The following KCNMB2 variants were observed in gnomAD, a reference collection of about 807,000 sequenced individuals.
The protein encoded by KCNMB2 is calcium-activated potassium channel subunit beta-2.
A neutral mutation model predicts 24.5 loss-of-function variants in KCNMB2; 9 were observed. The observed-to-expected ratio is 0.37, with a 90% CI of 0.22 to 0.64. KCNMB2 has a LOEUF of 0.64. Ranked by LOEUF, KCNMB2 falls within the 30% of genes least tolerant of loss-of-function variation. KCNMB2 has a pLI of 0.63. For missense variants in KCNMB2, 226 were observed against 284.3 expected, an observed-to-expected ratio of 0.79 and a Z score of 1.47; for synonymous variants, 109 against 104.4, an observed-to-expected ratio of 1.04 and a Z score of -0.27.
In KCNMB2 at chr3:178,737,163, G is replaced by A. The variant is rs372775277; in HGVS notation, c.-67-70180G>A. 4.3e-4 allele frequency among the ~76,000 whole-genome samples: 65 copies of A among 152,186 alleles called. 1 individual carries two copies. The South Asian group carries it at 0.011, about 26-fold the overall frequency. On this transcript the variant is annotated intron_variant, in intron 1 of 4. Coordinates refer to ENST00000452583, the MANE Select transcript of KCNMB2 (RefSeq NM_181361.3). ...TGCCCACCTGTAATCCCAACTGCTC[G>A]GGAGGCTGAAGCAAGAGAATCACTG...
intron 1 of KCNMB2, among the ~76,000 whole-genome samples, chr3:178,678,238 T>C (rs1721138031): frequency 6.6e-6 from 1 of 151,992 alleles, no homozygotes; most frequent in African/African-American, 2.4e-5. Context: ...AAAACAAAAA[T>C]GGAAACTGTG....
chr3:178,557,071 A>C (rs994875113), intron 1 of KCNMB2, among the ~76,000 whole-genome samples: 12 of 152,214 alleles, frequency 7.9e-5, no homozygotes, highest in Admixed American at 4.6e-4. Flanking sequence ...AAGAATAAAC[A>C]AGGATTAATT....
At chr3:178,594,842 C>T (rs761555723) in intron 1 of KCNMB2, among the ~76,000 whole-genome samples, 4 of 152,090 alleles carry the variant, frequency 2.6e-5, no homozygotes, top group South Asian at 2.1e-4. Context: ...CCAACTTACA[C>T]AACAATACTA....
At chr3:178,720,182 C>T (rs1017186280) in intron 1 of KCNMB2, among the ~76,000 whole-genome samples, 2 of 152,042 alleles carry the variant, frequency 1.3e-5, no homozygotes, top group African/African-American at 4.8e-5. Context: ...TTCCTGTGTC[C>T]ATGTGTTCTC....
chr3:178,753,173 G>A (rs1040615947), intron 1 of KCNMB2, among the ~76,000 whole-genome samples: 2 of 152,188 alleles, frequency 1.3e-5, no homozygotes, highest in Non-Finnish European at 2.9e-5. Flanking sequence ...GTCATGTAGT[G>A]ATAGTTATGT....
At chr3:178,783,286 G>C (rs1430126216) in intron 1 of KCNMB2, among the ~76,000 whole-genome samples, 8 of 149,352 alleles carry the variant, frequency 5.4e-5, no homozygotes, top group Non-Finnish European at 8.9e-5. Flanking sequence ...CTCTTTTTTG[G>C]TTCCATATGA....
chr3:178,792,638 TA>T (rs903540653), intron 1 of KCNMB2, among the ~76,000 whole-genome samples: 8 of 150,914 alleles, frequency 5.3e-5, no homozygotes, highest in East Asian at 1.9e-4. Context: ...TGAATGGATT[TA>T]AAAAAAAAGA....
intron 1 of KCNMB2, among the ~76,000 whole-genome samples, chr3:178,614,273 A>ATATATATATG (rs1718610722): frequency 1.1e-5 from 1 of 94,062 alleles, no homozygotes; most frequent in Non-Finnish European, 2.0e-5. Flanking sequence ...ATATATATAT[A>ATATATATATG]TATATATATA....
At chr3:178,595,051 A>G (rs949038841) in intron 1 of KCNMB2, among the ~76,000 whole-genome samples, 3 of 122,376 alleles carry the variant, frequency 2.5e-5, no homozygotes, top group African/African-American at 1.1e-4. Flanking sequence ...TGGCATATAC[A>G]GTATTTGCAA....
At chr3:178,649,825 C>T (rs1009823895) in intron 1 of KCNMB2, among the ~76,000 whole-genome samples, 1 of 59,758 alleles carries the variant, frequency 1.7e-5, no homozygotes, top group Non-Finnish European at 2.9e-5. Context: ...CTCCTGGATT[C>T]ATTGACTTTT....
At chr3:178,777,688 A>G (rs1712638903) in intron 1 of KCNMB2, among the ~76,000 whole-genome samples, 1 of 152,228 alleles carries the variant, frequency 6.6e-6, no homozygotes, top group Non-Finnish European at 1.5e-5. Flanking sequence ...ACAATATTTC[A>G]AAGAAATTGA....
At chr3:178,610,740 T>C (rs1174793233) in intron 1 of KCNMB2, among the ~76,000 whole-genome samples, 1 of 152,240 alleles carries the variant, frequency 6.6e-6, no homozygotes, top group Non-Finnish European at 1.5e-5. Context: ...CCATTATATC[T>C]TTCTCTTGTC....
At chr3:178,755,131 C>T (rs375671957) in intron 1 of KCNMB2, among the ~76,000 whole-genome samples, 6 of 152,218 alleles carry the variant, frequency 3.9e-5, no homozygotes, top group East Asian at 1.9e-4. Flanking sequence ...GCCGTTTCCA[C>T]GGCAGGCAGT....
chr3:178,707,144 T>G (rs1287207214), intron 1 of KCNMB2, among the ~76,000 whole-genome samples: 1 of 152,072 alleles, frequency 6.6e-6, no homozygotes, highest in Non-Finnish European at 1.5e-5. Flanking sequence ...ATTTTCAGGG[T>G]CAAATTTCAG....
At chr3:178,703,655 T>C (rs1722181306) in intron 1 of KCNMB2, among the ~76,000 whole-genome samples, 1 of 152,196 alleles carries the variant, frequency 6.6e-6, no homozygotes. Context: ...TAGGAAAATA[T>C]ATATAGCATA....
At chr3:178,551,101 C>A (rs1715937650) in intron 1 of KCNMB2, among the ~76,000 whole-genome samples, 1 of 152,182 alleles carries the variant, frequency 6.6e-6, no homozygotes, top group Non-Finnish European at 1.5e-5. Flanking sequence ...GCAGATTTTT[C>A]TTTCCAAGAA....
In KCNMB2 at chr3:178,539,603, C is replaced by T. The variant is rs990818845; in HGVS notation, c.-68+2892C>T. Among the ~76,000 whole-genome samples the T allele has an allele frequency of 3.9e-5, 6 of 152,198 alleles. No homozygotes were observed. The East Asian group carries it at 1.2e-3, about 29-fold the overall frequency. On this transcript the variant is annotated intron_variant, in intron 1 of 4. Transcript: ENST00000452583. ...GCACAACTGATTAAAGATGCCATTCCATTGTCAAATCCTCTTCATCCTTAG... is the reference window on the plus strand; with the variant it reads ...GCACAACTGATTAAAGATGCCATTCTATTGTCAAATCCTCTTCATCCTTAG...
chr3:178,811,835 T>G (rs1714206283), intron 2 of KCNMB2, among the ~76,000 whole-genome samples: 1 of 152,188 alleles, frequency 6.6e-6, no homozygotes, highest in African/African-American at 2.4e-5. Context: ...ACAGCCTTGT[T>G]TAGAGTTTTC....
At chr3:178,673,275 T>C (rs772202149) in intron 1 of KCNMB2, among the ~76,000 whole-genome samples, 1 of 152,158 alleles carries the variant, frequency 6.6e-6, no homozygotes, top group Non-Finnish European at 1.5e-5. Context: ...GAGTCTCACT[T>C]TTTATTCATG....
Sources: allele counts gnomAD v4.1 joint callset (sites outside exome capture counted in the v4.1 genomes callset), GRCh38; gene constraint gnomAD v4.1.1; transcripts MANE v1.5; gene names NCBI Gene and HGNC (gene_info 2026-07-23, HGNC 2026-07-21).